KIRREL3: variants seen among roughly 807,000 people sequenced by gnomAD.
The protein encoded by KIRREL3 is kin of IRRE-like protein 3.
KIRREL3 carries 36 observed loss-of-function variants against 89.7 expected under a neutral mutation model. The observed-to-expected ratio is 0.40, with a 90% CI of 0.31 to 0.53. The LOEUF (loss-of-function observed/expected upper bound fraction) is 0.53. KIRREL3 is among the 20% of genes least tolerant of loss of function. The probability of loss-of-function intolerance (pLI) is 0.49; values close to 1 mark genes in which losing one functional copy is unlikely to be tolerated. For synonymous variants in KIRREL3, 445 were observed against 441.4 expected (o/e 1.01, Z -0.10); for missense variants, 864 against 1,056.6 (o/e 0.82, Z 2.53).
intron 1 of KIRREL3, among the ~76,000 whole-genome samples, chr11:126,886,560 A>G (rs1301649876): frequency 6.6e-6 from 1 of 152,220 alleles, no homozygotes; most frequent in Non-Finnish European, 1.5e-5. Context: ...CAGGTGTTGG[A>G]TAATTCAGTA....
intron 1 of KIRREL3, among the ~76,000 whole-genome samples, chr11:126,799,173 TGTGTGTAC>T (rs1331672277): frequency 4.4e-5 from 4 of 91,402 alleles, no homozygotes; most frequent in African/African-American, 1.9e-4. Context: ...TGTGTGTGTA[TGTGTGTAC>T]CTATGGGTAT....
At position 126,528,592 on chromosome 11, in the gene KIRREL3, C is replaced by A. The variant is rs1958838503; in HGVS notation, c.134-1905G>T. On this transcript the variant is annotated intron_variant, in intron 2 of 16. Coordinates refer to ENST00000525144, the MANE Select transcript of KIRREL3 (RefSeq NM_032531.4). This position sits in a 1 kb window ranked among gnomAD's most constrained non-coding sequence, Gnocchi z 4.6. ...ACTTTTTATTCTGATTTGAGCTTTA[C>A]AAATTAGATTTCATAGGACATTTTA... Among the ~76,000 whole-genome samples, 1 of 152,038 alleles carries A rather than the reference C, an allele frequency of 6.6e-6. No homozygotes were observed. The highest frequency in any genetic ancestry group is 1.5e-5 in the Non-Finnish European group (1 of 68,020).
chr11:126,569,040 A>G lies in KIRREL3; in HGVS notation c.56-6128T>C, dbSNP rs1402817190. ...GGAACCAGAGAGCTTGGGAATGGAG[A>G]GGAAATGATGAATCAGAGACATTCC... is the stretch of plus-strand genomic sequence containing the variant. On this transcript the variant is annotated intron_variant, in intron 1 of 16. Transcript: ENST00000525144. This position sits in a 1 kb window ranked among gnomAD's most constrained non-coding sequence, Gnocchi z 6.5. 6.6e-6 allele frequency among the ~76,000 whole-genome samples: 1 copy of G among 152,062 alleles called. No homozygotes were observed. The highest frequency in any genetic ancestry group is 1.5e-5 in the Non-Finnish European group (1 of 68,024).
chr11:126,767,472 G>A (rs879402880), intron 1 of KIRREL3, among the ~76,000 whole-genome samples: 1 of 152,168 alleles, frequency 6.6e-6, no homozygotes, highest in African/African-American at 2.4e-5. Context: ...AGGGCAGCAG[G>A]GAACAGCGGA....
In KIRREL3 at chr11:126,772,980, A is replaced by G. The variant is rs1950064271; in HGVS notation, c.56-210068T>C. 6.6e-6 allele frequency among the ~76,000 whole-genome samples: 1 copy of G among 152,212 alleles called. No homozygotes were observed. Among genetic ancestry groups the G allele is most frequent in the Non-Finnish European group, 1.5e-5 (1 of 68,048 alleles). ...AAGGTAGGGGTGAGCAAGCTATGGA[A>G]ACATTTAGTGACATCAGTGATCTTG... On this transcript the variant is annotated intron_variant, in intron 1 of 16. Coordinates refer to ENST00000525144, the MANE Select transcript of KIRREL3 (RefSeq NM_032531.4). The surrounding 1 kb of genome is among the most constrained non-coding windows in gnomAD (Gnocchi z 4.6).
At chr11:126,933,146 A>C (rs914274171) in intron 1 of KIRREL3, among the ~76,000 whole-genome samples, 1 of 152,176 alleles carries the variant, frequency 6.6e-6, no homozygotes, top group Non-Finnish European at 1.5e-5. Flanking sequence ...GAAGGGAACA[A>C]ACCATTTCTT....
chr11:126,506,235 A>G (rs1958009169), intron 4 of KIRREL3, among the ~76,000 whole-genome samples: 1 of 128,162 alleles, frequency 7.8e-6, no homozygotes, highest in East Asian at 2.0e-4. Flanking sequence ...AACACAATCT[A>G]TAAGAAAAAA....
Position 126,622,769 on chromosome 11 carries a change from A to G in KIRREL3, c.56-59857T>C, listed in dbSNP as rs1943626143. On this transcript the variant is annotated intron_variant, in intron 1 of 16. Transcript: ENST00000525144. The surrounding 1 kb of genome is among the most constrained non-coding windows in gnomAD (Gnocchi z 5.2). The stretch of plus-strand genomic sequence containing the variant: ...TTGACTACTAGGAACTCAAACTCTA[A>G]AAGGAGAAAATAATCACACCAGCTA... Among the ~76,000 whole-genome samples, 1 of 152,224 alleles carries G rather than the reference A, an allele frequency of 6.6e-6. No homozygotes were observed. Among genetic ancestry groups the G allele is most frequent in the Non-Finnish European group, 1.5e-5 (1 of 68,032 alleles).
At chr11:126,861,799 T>A (rs1161394374) in intron 1 of KIRREL3, among the ~76,000 whole-genome samples, 1 of 152,130 alleles carries the variant, frequency 6.6e-6, no homozygotes, top group African/African-American at 2.4e-5. Flanking sequence ...GAGTGTGGAC[T>A]GACTGCTTCT....
At position 126,515,239 on chromosome 11, in the gene KIRREL3, T is replaced by A. The variant is rs1245292586; in HGVS notation, c.433+6076A>T. On this transcript the variant is annotated intron_variant, in intron 4 of 16. Transcript: ENST00000525144. This position sits in a 1 kb window ranked among gnomAD's most constrained non-coding sequence, Gnocchi z 4.2. ...AAGTTCAAGACAAGCATTAGCAACA[T>A]GGCAAAACCCGGTCTCTACAAAAAC... Among the ~76,000 whole-genome samples the A allele has an allele frequency of 6.6e-6, 1 of 152,028 alleles. No homozygotes were observed. Among genetic ancestry groups the A allele is most frequent in the African/African-American group, 2.4e-5 (1 of 41,378 alleles).
intron 1 of KIRREL3, among the ~76,000 whole-genome samples, chr11:126,613,974 G>T (rs554238886): frequency 6.9e-6 from 1 of 145,808 alleles, no homozygotes; most frequent in East Asian, 2.1e-4. Context: ...TGAATGCACA[G>T]GACCTTAATT....
At position 126,940,635 on chromosome 11, in the gene KIRREL3, A is replaced by T. The variant is rs1243562669; in HGVS notation, c.55+59820T>A. Reference sequence around the variant, plus strand: ...TTCTCAGCCATACCTGGAAGTGGCCATTCATTTTTACATTCTAAGGCCATG... The same window carrying T: ...TTCTCAGCCATACCTGGAAGTGGCCTTTCATTTTTACATTCTAAGGCCATG... On this transcript the variant is annotated intron_variant, in intron 1 of 16. Transcript: ENST00000525144. The surrounding 1 kb of genome is among the most constrained non-coding windows in gnomAD (Gnocchi z 4.6). 6.6e-6 allele frequency: 1 copy of T among 152,064 alleles called. No homozygotes were observed. The highest frequency in any genetic ancestry group is 1.5e-5 in the Non-Finnish European group (1 of 68,014). 9.4% of individuals were successfully genotyped at this position (152,064 alleles called of 1,614,324 possible). A position where few individuals can be genotyped will look rare whatever the true frequency, so the allele number is the denominator to read the frequency against.
chr11:126,639,972 A>G lies in KIRREL3; in HGVS notation c.56-77060T>C, dbSNP rs2134923368. Among the ~76,000 whole-genome samples, 1 of 152,344 alleles carries G rather than the reference A, an allele frequency of 6.6e-6. No homozygotes were observed. Among genetic ancestry groups the G allele is most frequent in the Admixed American group, 6.5e-5 (1 of 15,312 alleles). ...ATTAACTTATGCTAAATTACAGTAA[A>G]GCATCTATGGAGGAACTTGATGTGA... On this transcript the variant is annotated intron_variant, in intron 1 of 16. Coordinates refer to ENST00000525144, the MANE Select transcript of KIRREL3 (RefSeq NM_032531.4). The surrounding 1 kb of genome is among the most constrained non-coding windows in gnomAD (Gnocchi z 4.3).
chr11:126,851,153 T>C (rs1349585006), intron 1 of KIRREL3, among the ~76,000 whole-genome samples: 1 of 152,202 alleles, frequency 6.6e-6, no homozygotes, highest in Non-Finnish European at 1.5e-5. Context: ...CAATGTCCAA[T>C]TACACTTAGG....
chr11:126,472,703 GGAGAGAGA>G (rs56276959), intron 5 of KIRREL3, among the ~76,000 whole-genome samples: 1 of 134,146 alleles, frequency 7.5e-6, no homozygotes, highest in Admixed American at 8.2e-5. Context: ...AGGACATAGA[GGAGAGAGA>G]GAGAGAGAGA....
At chr11:126,751,286 C>T (rs910954910) in intron 1 of KIRREL3, among the ~76,000 whole-genome samples, 4 of 152,224 alleles carry the variant, frequency 2.6e-5, no homozygotes, top group Admixed American at 1.3e-4. Context: ...ATCTCCTTGT[C>T]TCACAATTCT....
intron 1 of KIRREL3, among the ~76,000 whole-genome samples, chr11:126,874,929 C>T (rs1040233261): frequency 7.9e-5 from 12 of 152,118 alleles, no homozygotes; most frequent in African/African-American, 2.2e-4. Flanking sequence ...AGCCAAGGAC[C>T]GAGTCCATGT....
Position 126,694,845 on chromosome 11 carries a change from T to C in KIRREL3, c.56-131933A>G, listed in dbSNP as rs1947024106. On this transcript the variant is annotated intron_variant, in intron 1 of 16. Transcript: ENST00000525144. This position sits in a 1 kb window ranked among gnomAD's most constrained non-coding sequence, Gnocchi z 4.4. ...TTATAAGGGTGGCTGGAATGGGGAC[T>C]GGAAGAGACAGGTAAGTCCCCAACC... Among the ~76,000 whole-genome samples, 1 of 152,210 alleles carries C rather than the reference T, an allele frequency of 6.6e-6. No individual in the cohort carries two copies.
Position 126,682,960 on chromosome 11 carries a change from T to C in KIRREL3, c.56-120048A>G, listed in dbSNP as rs752382044. Among the ~76,000 whole-genome samples, 1 of 152,138 alleles carries C rather than the reference T, an allele frequency of 6.6e-6. No individual in the cohort carries two copies. The highest frequency in any genetic ancestry group is 1.5e-5 in the Non-Finnish European group (1 of 68,022). ...ACTATGACCTCCTGGGCTCAAGCAA[T>C]CCTCGCACCTCAGCCTCCCAAGTAG... On this transcript the variant is annotated intron_variant, in intron 1 of 16. Transcript: ENST00000525144. This position sits in a 1 kb window ranked among gnomAD's most constrained non-coding sequence, Gnocchi z 4.8.
Sources: allele counts gnomAD v4.1 joint callset (sites outside exome capture counted in the v4.1 genomes callset), GRCh38; gene constraint gnomAD v4.1.1; non-coding constraint Gnocchi (gnomAD v3.1); transcripts MANE v1.5; gene names NCBI Gene and HGNC (gene_info 2026-07-23, HGNC 2026-07-21).